Variants in HPSE2 observed in about 807,000 individuals in gnomAD.
HPSE2 encodes the protein inactive heparanase-2.
In HPSE2, 38 loss-of-function variants were observed where a neutral mutation model predicts 60.5. The ratio of observed to expected loss-of-function variants is 0.63; its 90% CI spans 0.48 to 0.82. The LOEUF (loss-of-function observed/expected upper bound fraction) is 0.82. Ranked by LOEUF, HPSE2 falls within the 40% of genes least tolerant of loss-of-function variation. The pLI is 0.00. For synonymous variants in HPSE2, 295 were observed against 293.2 expected (o/e 1.01, Z -0.06); for missense variants, 713 against 740.4 (o/e 0.96, Z 0.43).
intron 3 of HPSE2, among the ~76,000 whole-genome samples, chr10:98,780,018 CTG>C (rs1303094275): frequency 6.6e-6 from 1 of 152,000 alleles, no homozygotes; most frequent in Non-Finnish European, 1.5e-5. Context: ...TCAGATTTCT[CTG>C]AGAAAAATTT....
rs7092915 is a variant in HPSE2, at chr10:99,146,022, G to T, written c.449-1623C>A. ...GTATATACCAATTTCTTGAATATGGGTAATAAAATGAACTCATTTAACAAA... is the reference window on the plus strand; with the variant it reads ...GTATATACCAATTTCTTGAATATGGTTAATAAAATGAACTCATTTAACAAA... On this transcript the variant is annotated intron_variant, in intron 2 of 11. Coordinates refer to ENST00000370552, the MANE Select transcript of HPSE2 (RefSeq NM_021828.5). Among the ~76,000 whole-genome samples the T allele has an allele frequency of 7.5e-3, 1,139 of 152,218 alleles. 8 individuals are homozygous for T. Among genetic ancestry groups the T allele is most frequent in the African/African-American group, 0.023 (967 of 41,520 alleles).
chr10:98,880,000 C>T (rs563110147), intron 3 of HPSE2, among the ~76,000 whole-genome samples: 83 of 152,004 alleles, frequency 5.5e-4, no homozygotes, highest in Non-Finnish European at 1.0e-3. Flanking sequence ...AGCTGCAGTG[C>T]TGCTCTATTC....
chr10:99,152,576 C>G (rs1846316263), intron 2 of HPSE2, among the ~76,000 whole-genome samples: 2 of 151,918 alleles, frequency 1.3e-5, no homozygotes, highest in Admixed American at 6.6e-5. Flanking sequence ...TAGTAATACA[C>G]AGAACAAAAT....
At chr10:98,464,236 G>T (rs1271876311) in intron 11 of HPSE2, among the ~76,000 whole-genome samples, 1 of 152,136 alleles carries the variant, frequency 6.6e-6, no homozygotes, top group East Asian at 1.9e-4. Flanking sequence ...TTTTTTTGGG[G>T]GAGGGAGGTA....
At chr10:99,076,681 C>G (rs946497508) in intron 3 of HPSE2, among the ~76,000 whole-genome samples, 2 of 152,158 alleles carry the variant, frequency 1.3e-5, no homozygotes, top group Non-Finnish European at 2.9e-5. Flanking sequence ...AGCCTCCATG[C>G]CTGACTCTAT....
intron 2 of HPSE2, among the ~76,000 whole-genome samples, chr10:99,183,594 C>CCTTCCCTG (rs1564876657): frequency 6.6e-6 from 1 of 152,164 alleles, no homozygotes; most frequent in Non-Finnish European, 1.5e-5. Context: ...TATATAAACC[C>CCTTCCCTG]CTAATTTTAG....
chr10:98,870,985 T>C (rs1952716376), intron 3 of HPSE2, among the ~76,000 whole-genome samples: 1 of 151,430 alleles, frequency 6.6e-6, no homozygotes, highest in South Asian at 2.1e-4. Context: ...CCTCTCTCTC[T>C]TGCCCTCTCT....
chr10:98,472,510 G>A (rs1431980435), intron 11 of HPSE2, among the ~76,000 whole-genome samples: 1 of 152,108 alleles, frequency 6.6e-6, no homozygotes, highest in Non-Finnish European at 1.5e-5. Context: ...GTCTTGCTTT[G>A]TAAAAAATTA....
At chr10:99,121,956 T>C (rs1431399840) in intron 3 of HPSE2, among the ~76,000 whole-genome samples, 1 of 152,106 alleles carries the variant, frequency 6.6e-6, no homozygotes, top group Non-Finnish European at 1.5e-5. Context: ...AAAAATAATA[T>C]GATCCTATAC....
rs201053253 is a variant in HPSE2 at position 98,742,978 on chromosome 10, T to TCTTTTC, written c.784+904_784+905insGAAAAG. On this transcript the variant is annotated intron_variant, in intron 4 of 11. Transcript: ENST00000370552. ...TCTTTTTTTTCCTTTTCTTTTCTTTTTTTTTTTTTTTTTTGAGATGGAGTC... is the reference window on the plus strand; with the variant it reads ...TCTTTTTTTTCCTTTTCTTTTCTTTTCTTTTCTTTTTTTTTTTTTTGAGATGGAGTC... 5.2e-5 allele frequency among the ~76,000 whole-genome samples: 7 copies of TCTTTTC among 134,222 alleles called. 1 individual carries two copies. In the South Asian group the frequency reaches 1.6e-3, roughly 31 times the overall value. 88.1% of individuals were successfully genotyped at this position (134,222 alleles called of 152,430 possible).
At chr10:98,969,354 GC>G (rs1201931818) in intron 3 of HPSE2, among the ~76,000 whole-genome samples, 7 of 152,070 alleles carry the variant, frequency 4.6e-5, no homozygotes, top group Non-Finnish European at 7.4e-5. Flanking sequence ...CTGCCCTTCA[GC>G]ATCATAAAGG....
chr10:98,541,882 T>C (rs965420409), intron 9 of HPSE2, among the ~76,000 whole-genome samples: 14 of 152,194 alleles, frequency 9.2e-5, no homozygotes, highest in African/African-American at 3.4e-4. Flanking sequence ...GCTCCATCTC[T>C]GGGGGCAGGG....
intron 6 of HPSE2, among the ~76,000 whole-genome samples, chr10:98,653,834 C>T (rs983282510): frequency 6.6e-6 from 1 of 152,054 alleles, no homozygotes; most frequent in Non-Finnish European, 1.5e-5. Flanking sequence ...CATTTCTGAT[C>T]TATATCACAT....
chr10:99,200,970 G>T (rs1329092024), intron 2 of HPSE2, among the ~76,000 whole-genome samples: 2 of 152,114 alleles, frequency 1.3e-5, no homozygotes, highest in East Asian at 3.9e-4. Flanking sequence ...CCTGCATTTT[G>T]GCTTTTAGGA....
At chr10:98,481,425 T>C (rs1453718098) in intron 11 of HPSE2, among the ~76,000 whole-genome samples, 2 of 152,058 alleles carry the variant, frequency 1.3e-5, no homozygotes, top group Admixed American at 6.5e-5. Context: ...CTGCCTAGGA[T>C]GAAGGCCAGG....
chr10:98,974,511 C>T (rs546114762), intron 3 of HPSE2, among the ~76,000 whole-genome samples: 1 of 152,014 alleles, frequency 6.6e-6, no homozygotes, highest in Admixed American at 6.6e-5. Flanking sequence ...CGTGATCCAC[C>T]CGCCTTGGCC....
chr10:98,572,265 T>C (rs1488801837), intron 9 of HPSE2, among the ~76,000 whole-genome samples: 3 of 152,190 alleles, frequency 2.0e-5, no homozygotes, highest in Non-Finnish European at 4.4e-5. Context: ...TGGTTTTATT[T>C]CTAATTTCAA....
chr10:98,896,328 GA>G (rs1953491978), intron 3 of HPSE2, among the ~76,000 whole-genome samples: 1 of 152,076 alleles, frequency 6.6e-6, no homozygotes, highest in Non-Finnish European at 1.5e-5. Flanking sequence ...GAGGGAGCTA[GA>G]CCAGTGAGAG....
intron 3 of HPSE2, among the ~76,000 whole-genome samples, chr10:98,812,194 T>C (rs551570887): frequency 1.1e-4 from 17 of 152,314 alleles, no homozygotes; most frequent in African/African-American, 3.8e-4. Flanking sequence ...AGTCTTCTTA[T>C]TGGTAACCGT....
Sources: allele counts gnomAD v4.1 joint callset (sites outside exome capture counted in the v4.1 genomes callset), GRCh38; gene constraint gnomAD v4.1.1; transcripts MANE v1.5; gene names NCBI Gene and HGNC (gene_info 2026-07-23, HGNC 2026-07-21).